Variants in MAPK12 observed in about 807,000 individuals in gnomAD.
The protein encoded by MAPK12 is MAP kinase 12.
A neutral mutation model predicts 49.1 loss-of-function variants in MAPK12; 49 were observed. The ratio of observed to expected loss-of-function variants is 1.00; its 90% CI spans 0.79 to 1.27. The LOEUF (loss-of-function observed/expected upper bound fraction) is 1.27, where lower values mean the gene tolerates loss of function less well. Ranked by LOEUF, MAPK12 falls within the 50% of genes most tolerant of loss-of-function variation. The pLI is 0.00. For missense variants in MAPK12, 554 were observed against 502.4 expected, an observed-to-expected ratio of 1.10 and a Z score of -0.98; for synonymous variants, 251 against 209.7, an observed-to-expected ratio of 1.20 and a Z score of -1.70.
At chr22:50,254,050 C>T (rs2065124259) in intron 11 of MAPK12, 1 of 156,422 alleles carries the variant, frequency 6.4e-6, no homozygotes, top group African/African-American at 2.4e-5. Context: ...ACACCCACCC[C>T]AGGCTGGTCA....
At position 50,259,482 on chromosome 22, in the gene MAPK12, G is replaced by A. The variant is rs142965199; in HGVS notation, c.256-1181C>T. 1.6e-3 allele frequency among the ~76,000 whole-genome samples: 238 copies of A among 152,296 alleles called. 2 individuals carry two copies. The highest frequency in any genetic ancestry group is 5.5e-3 in the African/African-American group (227 of 41,558). On this transcript the variant is annotated intron_variant, in intron 2 of 11. Transcript: ENST00000215659. Reference sequence around the variant, plus strand: ...GGCCTCACAGAGCTTCAGTCTCCCAGGAAGATGGGGTTCCAGGGAAAGAGC... The same window carrying A: ...GGCCTCACAGAGCTTCAGTCTCCCAAGAAGATGGGGTTCCAGGGAAAGAGC...
chr22:50,258,100 T>C (rs1010005068), intron 3 of MAPK12, 143 bp downstream of exon 3: 16 of 750,028 alleles, frequency 2.1e-5, no homozygotes, highest in Non-Finnish European at 3.5e-5. Flanking sequence ...GGGTGGACAG[T>C]GGTATGGGGA....
intron 3 of MAPK12, 118 bp from the exon 4 acceptor site, chr22:50,257,311 C>T: frequency 1.4e-6 from 1 of 728,574 alleles, no homozygotes; most frequent in Non-Finnish European, 2.4e-6. Context: ...CCAGGAAGGT[C>T]ACCCCTGCAG....
chr22:50,257,638 G>T (rs889749561), intron 3 of MAPK12: 50 of 578,824 alleles, frequency 8.6e-5, no homozygotes, highest in Admixed American at 4.0e-4. Context: ...GGCGCGGCAA[G>T]GCATCTGGGT....
chr22:50,257,764 C>CAGGCCTTCCTCGGCCT (rs1400696536), intron 3 of MAPK12: 1 of 690,356 alleles, frequency 1.4e-6, no homozygotes, highest in East Asian at 2.7e-5. Context: ...CTACCCTCTC[C>CAGGCCTTCCTCGGCCT]AGGCCTTCCT....
intron 2 of MAPK12, among the ~76,000 whole-genome samples, chr22:50,260,577 G>T (rs894457163): frequency 6.6e-6 from 1 of 152,182 alleles, no homozygotes; most frequent in Non-Finnish European, 1.5e-5. Context: ...ACAGGAGGGT[G>T]TCTGTGAGGC....
At chr22:50,261,084 G>C in intron 2 of MAPK12, 83 bp downstream of exon 2, 6 of 1,392,128 alleles carry the variant, frequency 4.3e-6, no homozygotes, top group Non-Finnish European at 5.7e-6. Flanking sequence ...GCCTGGAGGA[G>C]GGGTTGCCGG....
At position 50,257,138 on chromosome 22, in the gene MAPK12, T is replaced by A; in HGVS notation, c.370A>T (p.Lys124Ter). Residue 124 changes from lysine to a stop codon, truncating the protein, a stop_gained, in exon 4 of 12, where the codon AAG becomes TAG. Transcript: ENST00000215659. LOFTEE classifies it high-confidence loss of function. ...AACTGGATCCGGTCCTCGCCTAGCT[T>A]CTCATGTTTCATGAGCTTGCCCAGG... is the stretch of plus-strand genomic sequence containing the variant. ...TDLGKLMKHE[K>*]LGEDRIQFLV... The A allele has an allele frequency of 6.2e-7, 1 of 1,612,940 alleles. No individual in the cohort carries two copies. Among genetic ancestry groups the A allele is most frequent in the Non-Finnish European group, 8.5e-7 (1 of 1,179,950 alleles).
In MAPK12 at chr22:50,253,075, C is replaced by T; in HGVS notation, c.*326G>A. ...CTTCCTCTGCATGGCCCAGAGCAGGCAGGGCTCAGAGGCCAAGGCCTGATC... is the reference window on the plus strand; with the variant it reads ...CTTCCTCTGCATGGCCCAGAGCAGGTAGGGCTCAGAGGCCAAGGCCTGATC... On this transcript the variant is annotated 3_prime_UTR_variant, in exon 12 of 12. Coordinates refer to ENST00000215659, the MANE Select transcript of MAPK12 (RefSeq NM_002969.6). 2.4e-6 allele frequency: 1 copy of T among 412,516 alleles called. No individual in the cohort carries two copies. The highest frequency in any genetic ancestry group is 2.1e-5 in the South Asian group (1 of 47,002). 25.6% of individuals were successfully genotyped at this position (412,516 alleles called of 1,614,324 possible). A position where few individuals can be genotyped will look rare whatever the true frequency, so the allele number is the denominator to read the frequency against.
intron 11 of MAPK12, chr22:50,254,850 A>G (rs1601639378): frequency 2.5e-6 from 3 of 1,184,616 alleles, no homozygotes; most frequent in Non-Finnish European, 3.2e-6. Context: ...GCCTTTCACC[A>G]CTCCCGGCTC....
intron 1 of MAPK12, 26 bp downstream of exon 1, chr22:50,261,359 G>A (rs2065212003): frequency 2.6e-6 from 3 of 1,135,578 alleles, no homozygotes; most frequent in African/African-American, 1.7e-5. Flanking sequence ...CCGCCCCGCC[G>A]GCCGCCCCGC....
In MAPK12 at chr22:50,256,164, A is replaced by G. The variant is rs954522941; in HGVS notation, c.540T>C (p.Ser180=). ...GGGTCACCACGTACCCAGTCATCTC[A>G]CTGTCTGCCTGCCTGGCCAGGCCGA... is the stretch of plus-strand genomic sequence containing the variant. ...LDFGLARQAD[S]EMTGYVVTRW... Residue 180 remains serine, a synonymous_variant, in exon 7 of 12, where the codon AGT becomes AGC. Coordinates refer to ENST00000215659, the MANE Select transcript of MAPK12 (RefSeq NM_002969.6). 1 of 1,612,708 alleles carries G rather than the reference A, an allele frequency of 6.2e-7. No individual in the cohort carries two copies. Among genetic ancestry groups the G allele is most frequent in the South Asian group, 1.1e-5 (1 of 91,080 alleles).
chr22:50,255,849 C>T lies in MAPK12; in HGVS notation c.652G>A (p.Glu218Lys). 2 of 1,612,772 alleles carry T rather than the reference C, an allele frequency of 1.2e-6. No individual in the cohort carries two copies. The highest frequency in any genetic ancestry group is 1.1e-5 in the South Asian group (1 of 91,084). The change falls in exon 8 of 12, where the codon GAG becomes AAG. Residue 218 changes from glutamate (E) to lysine (K), a missense_variant. Physicochemically the swap from Glu to Lys is moderately conservative, Grantham distance 56. Coordinates refer to ENST00000215659, the MANE Select transcript of MAPK12 (RefSeq NM_002969.6). ...DIWSVGCIMA[E>K]MITGKTLFKG... ...AACAGCGTCTTGCCTGTGATCATCT[C>T]CGCCATGATGCAGCCCACAGACCAG... is the stretch of plus-strand genomic sequence containing the variant.
rs952314259 is a variant in MAPK12 at position 50,256,540 on chromosome 22, G to A, written c.504+59C>T. 8.9e-6 allele frequency: 14 copies of A among 1,572,296 alleles called. No individual in the cohort carries two copies. The East Asian group carries it at 3.1e-4, about 35-fold the overall frequency. On this transcript the variant is annotated intron_variant, in intron 6 of 11. Transcript: ENST00000215659. ...GCCCAGGCCTGACAGGTGGATAGAT[G>A]GGCAGATCCAGAGGGGGCCCCTGCC...
rs1601641476 is a variant in MAPK12, at chr22:50,256,085, C to T, written c.619G>A (p.Val207Met). 6.2e-7 allele frequency: 1 copy of T among 1,611,046 alleles called. No homozygotes were observed. Among genetic ancestry groups the T allele is most frequent in the Non-Finnish European group, 8.5e-7 (1 of 1,178,938 alleles). ...ILNWMRYTQT[V>M]DIWSVGCIMA... ...CCCAGATCTCTGGGCAGCTTCTCAC[C>T]CGTCTGCGTGTAGCGCATCCAATTC... Residue 207 changes from valine (V) to methionine (M), a missense_variant and splice_region_variant, in exon 7 of 12, where the codon GTG becomes ATG. Physicochemically the swap from Val to Met is conservative, Grantham distance 21. Coordinates refer to ENST00000215659, the MANE Select transcript of MAPK12 (RefSeq NM_002969.6).
At chr22:50,259,564 G>C (rs1383478653) in intron 2 of MAPK12, among the ~76,000 whole-genome samples, 1 of 152,188 alleles carries the variant, frequency 6.6e-6, no homozygotes, top group African/African-American at 2.4e-5. Flanking sequence ...GGAGATCCCA[G>C]CACAGCGGGG....
intron 3 of MAPK12, 69 bp from the exon 4 acceptor site, chr22:50,257,262 G>A: frequency 7.7e-7 from 1 of 1,305,254 alleles, no homozygotes; most frequent in South Asian, 1.2e-5. Context: ...CCACCCAGCA[G>A]GCCCAGGCTC....
intron 2 of MAPK12, among the ~76,000 whole-genome samples, chr22:50,258,640 CA>C (rs1451081525): frequency 4.6e-5 from 7 of 152,278 alleles, no homozygotes; most frequent in African/African-American, 1.7e-4. Flanking sequence ...CTCTTCACCC[CA>C]ACCAAACAGA....
Position 50,255,860 on chromosome 22 carries a change from C to A in MAPK12, c.641G>T (p.Cys214Phe). The A allele has an allele frequency of 1.9e-6, 3 of 1,612,752 alleles. No homozygotes were observed. Among genetic ancestry groups the A allele is most frequent in the Non-Finnish European group, 2.5e-6 (3 of 1,179,966 alleles). The change falls in exon 8 of 12, where the codon TGC becomes TTC. Residue 214 changes from cysteine to phenylalanine, a missense_variant. By Grantham distance (205) the Cys-to-Phe change is radical (BLOSUM62 -2). Transcript: ENST00000215659. ...TQTVDIWSVG[C>F]IMAEMITGKT... is the part of the protein sequence containing the mutation. ...GCCTGTGATCATCTCCGCCATGATG[C>A]AGCCCACAGACCAGATGTCCACTGA...
Sources: gnomAD v4.1 joint callset for allele counts (sites outside exome capture counted in the v4.1 genomes callset) on GRCh38, gnomAD v4.1.1 for gene constraint, MANE v1.5 for transcripts, NCBI Gene and HGNC (gene_info 2026-07-23, HGNC 2026-07-21) for gene names.